Variants in PAQR4 observed in about 807,000 individuals in gnomAD.
PAQR4 encodes the protein progestin and adipoQ receptor family member IV.
A neutral mutation model predicts 20.9 loss-of-function variants in PAQR4; 26 were observed. The observed-to-expected ratio is 1.24, with a 90% CI of 0.91 to 1.73. The LOEUF (loss-of-function observed/expected upper bound fraction) is 1.73, where lower values mean the gene tolerates loss of function less well. Ranked by LOEUF, PAQR4 falls within the 40% of genes most tolerant of loss-of-function variation. The probability of loss-of-function intolerance (pLI) is 0.00; values close to 1 mark genes in which losing one functional copy is unlikely to be tolerated. For missense variants in PAQR4, 400 were observed against 380.1 expected, an observed-to-expected ratio of 1.05 and a Z score of -0.44; for synonymous variants, 193 against 171.6, an observed-to-expected ratio of 1.12 and a Z score of -0.97.
Position 2,971,382 on chromosome 16 carries a change from A to G in PAQR4, c.388+4A>G, listed in dbSNP as rs1381586192. ...GTCTGCCTTGTCAACACCCTTGGTG[A>G]GTCAGGGCCCAAGGGATGGGAGCTG... On this transcript the variant is annotated splice_donor_region_variant and intron_variant, in intron 2 of 2. Transcript: ENST00000318782. 1 of 1,606,066 alleles carries G rather than the reference A, an allele frequency of 6.2e-7. No individual in the cohort carries two copies. Among genetic ancestry groups the G allele is most frequent in the Non-Finnish European group, 8.5e-7 (1 of 1,179,092 alleles).
chr16:2,971,098 C>A, intron 1 of PAQR4, 59 bp from the exon 2 acceptor site: 4 of 1,520,342 alleles, frequency 2.6e-6, no homozygotes, highest in South Asian at 1.1e-5. Context: ...GTGTCTGAAC[C>A]GTGGTCCCCT....
At chr16:2,971,047 A>G in intron 1 of PAQR4, 110 bp from the exon 2 acceptor site, 4 of 1,125,956 alleles carry the variant, frequency 3.6e-6, no homozygotes, top group Non-Finnish European at 5.1e-6. Flanking sequence ...CGCCAACTGG[A>G]TGACAGCATT....
intron 1 of PAQR4, 124 bp from the exon 2 acceptor site, chr16:2,971,033 A>C: frequency 1.0e-6 from 1 of 969,612 alleles, no homozygotes; most frequent in South Asian, 1.5e-5. Context: ...GGCCAAGGCC[A>C]GGCCGCCAAC....
Position 2,971,223 on chromosome 16 carries a change from A to G in PAQR4, c.233A>G (p.Asp78Gly), listed in dbSNP as rs753029198. 4 of 1,613,200 alleles carry G rather than the reference A, an allele frequency of 2.5e-6. No individual in the cohort carries two copies. In the Admixed American group the frequency reaches 6.7e-5, roughly 27 times the overall value. ...MTMPWGQLGK[D>G]GWLGGTHCVA... ...ATGCCCTGGGGTCAGCTGGGCAAGGATGGCTGGCTGGGAGGCACACATTGC... is the reference window on the plus strand; with the variant it reads ...ATGCCCTGGGGTCAGCTGGGCAAGGGTGGCTGGCTGGGAGGCACACATTGC... The change falls in exon 2 of 3, where the codon GAT (aspartate) becomes GGT (glycine). Residue 78 changes from aspartate (D) to glycine (G), a missense_variant. Transcript: ENST00000318782.
At position 2,973,452 on chromosome 16, in the gene PAQR4, G is replaced by C. The variant is rs764901174; in HGVS notation, c.*1504G>C. 34 of 1,520,798 alleles carry C rather than the reference G, an allele frequency of 2.2e-5. No individual in the cohort carries two copies. Among genetic ancestry groups the C allele is most frequent in the Non-Finnish European group, 3.0e-5 (34 of 1,138,310 alleles). 94.2% of individuals were successfully genotyped at this position (1,520,798 alleles called of 1,614,324 possible). On this transcript the variant is annotated 3_prime_UTR_variant, in exon 3 of 3. Transcript: ENST00000318782. The stretch of plus-strand genomic sequence containing the variant: ...CCTTTTCAGAACACATGGACTTGGA[G>C]GCAGATTTGAAATAAACTTTTAGTA...
In PAQR4 at chr16:2,972,011, ACTCGT is replaced by A. The variant is rs1396900633; in HGVS notation, c.*66_*70del. 6 of 1,443,766 alleles carry A rather than the reference ACTCGT, an allele frequency of 4.2e-6. No homozygotes were observed. Among genetic ancestry groups the A allele is most frequent in the Admixed American group, 2.3e-5 (1 of 44,398 alleles). The allele number at this position is 1,443,766 out of a possible 1,614,324, so 89.4% of individuals were successfully genotyped here. A position where few individuals can be genotyped will look rare whatever the true frequency, so the allele number is the denominator to read the frequency against. On this transcript the variant is annotated 3_prime_UTR_variant, in exon 3 of 3. Transcript: ENST00000318782. ...TTAGCAACACCAGGTGTTCCTCCCAACTCGTCTGCAAGGGGCTGGCTCCTTGGATG... is the reference window on the plus strand; with the variant it reads ...TTAGCAACACCAGGTGTTCCTCCCAACTGCAAGGGGCTGGCTCCTTGGATG...
chr16:2,971,070 C>G (rs1016394563), intron 1 of PAQR4, 87 bp from the exon 2 acceptor site: 3 of 1,342,776 alleles, frequency 2.2e-6, no homozygotes, highest in Non-Finnish European at 3.1e-6. Flanking sequence ...CTGGACCTGT[C>G]TTGCCCTGTC....
chr16:2,971,488 CCTCTCCTGTT>C lies in PAQR4; in HGVS notation c.389-19_389-10del. On this transcript the variant is annotated splice_polypyrimidine_tract_variant and intron_variant, in intron 2 of 2. Transcript: ENST00000318782. ...CGGGTGGACCCTCACAATGACATGC[CCTCTCCTGTT>C]CTCTCCTCTTGTGCAGGGGCCCTGC... 8.2e-6 allele frequency: 13 copies of C among 1,576,152 alleles called. No individual in the cohort carries two copies. The highest frequency in any genetic ancestry group is 1.1e-5 in the Non-Finnish European group (13 of 1,164,870).
Position 2,972,918 on chromosome 16 carries a change from TA to T in PAQR4, c.*974del. ...CAAGGGCGACGGGAGAGACACAGGA[TA>T]AAAGGTTAAAAGTGCAGAGGCAGAG... On this transcript the variant is annotated 3_prime_UTR_variant, in exon 3 of 3. Coordinates refer to ENST00000318782, the MANE Select transcript of PAQR4 (RefSeq NM_152341.5). The T allele has an allele frequency of 1.9e-6, 3 of 1,574,246 alleles. No individual in the cohort carries two copies. The highest frequency in any genetic ancestry group is 2.6e-6 in the Non-Finnish European group (3 of 1,158,978).
chr16:2,972,483 G>A lies in PAQR4; in HGVS notation c.*535G>A, dbSNP rs190250606. 6.8e-4 allele frequency: 566 copies of A among 835,106 alleles called. No individual in the cohort carries two copies. Among genetic ancestry groups the A allele is most frequent in the Admixed American group, 1.2e-3 (43 of 36,718 alleles). The allele number at this position is 835,106 out of a possible 1,614,324, so 51.7% of individuals were successfully genotyped here. ...AAAAGGACCAAGGGGGCGTGGACCC[G>A]TCTTGTACCAGCTGGCCACAGGCAC... On this transcript the variant is annotated 3_prime_UTR_variant, in exon 3 of 3. Coordinates refer to ENST00000318782, the MANE Select transcript of PAQR4 (RefSeq NM_152341.5).
In PAQR4 at chr16:2,969,597, G is replaced by A; in HGVS notation, c.-78G>A. On this transcript the variant is annotated 5_prime_UTR_variant, in exon 1 of 3. Coordinates refer to ENST00000318782, the MANE Select transcript of PAQR4 (RefSeq NM_152341.5). ...GGGCGCCGGGCGCCAGGCAGTGATG[G>A]GCCTTCCCGCGCTGCGGCCCCACTG... 1 of 1,372,290 alleles carries A rather than the reference G, an allele frequency of 7.3e-7. No individual in the cohort carries two copies. Among genetic ancestry groups the A allele is most frequent in the Non-Finnish European group, 9.4e-7 (1 of 1,068,064 alleles). 85.0% of individuals were successfully genotyped at this position (1,372,290 alleles called of 1,614,324 possible).
Sources: gnomAD v4.1 joint callset for allele counts on GRCh38, gnomAD v4.1.1 for gene constraint, MANE v1.5 for transcripts, NCBI Gene and HGNC (gene_info 2026-07-23, HGNC 2026-07-21) for gene names.